Variants in FHAD1 observed in about 807,000 individuals in gnomAD.
The protein encoded by FHAD1 is forkhead associated phosphopeptide binding domain 1, also known as forkhead-associated domain-containing protein 1.
A neutral mutation model predicts 191.3 loss-of-function variants in FHAD1; 146 were observed. The ratio of observed to expected loss-of-function variants is 0.76; its 90% confidence interval spans 0.67 to 0.88. FHAD1 has a LOEUF of 0.88. Ranked by LOEUF, FHAD1 falls within the 40% of genes least tolerant of loss-of-function variation. The pLI is 0.00. For missense variants in FHAD1, 1,635 were observed against 1,785.8 expected (o/e 0.92, Z 1.52); for synonymous variants, 616 against 672.3 (o/e 0.92, Z 1.29).
In FHAD1 at chr1:15,259,088, G is replaced by A. The variant is rs543794165; in HGVS notation, c.93+7211G>A. ...TCCTCACCAGCACTTGGTATTTTCT[G>A]GGGGTGGTGGTTGTTTTTACAGTAG... On this transcript the variant is annotated intron_variant, in intron 2 of 33. Transcript: ENST00000688493. Among the ~76,000 whole-genome samples, 7 of 152,284 alleles carry A rather than the reference G, an allele frequency of 4.6e-5. No homozygotes were observed. The East Asian group carries it at 1.3e-3, about 29-fold the overall frequency.
intron 21 of FHAD1, among the ~76,000 whole-genome samples, chr1:15,359,039 G>A (rs1023879342): frequency 2.6e-5 from 4 of 152,152 alleles, no homozygotes; most frequent in Admixed American, 2.0e-4. Flanking sequence ...CCAAGGAGAG[G>A]ACAGTGCCGA....
At chr1:15,396,206 G>A (rs961549163) in intron 33 of FHAD1, among the ~76,000 whole-genome samples, 2 of 152,066 alleles carry the variant, frequency 1.3e-5, no homozygotes, top group African/African-American at 4.8e-5. Context: ...TATAGTCCCA[G>A]CTTACTCGGG....
chr1:15,370,968 G>A (rs935926266), intron 26 of FHAD1, among the ~76,000 whole-genome samples: 2 of 152,222 alleles, frequency 1.3e-5, no homozygotes, highest in Non-Finnish European at 2.9e-5. Flanking sequence ...CAGCTTGAAC[G>A]AAAGGGCTCG....
At chr1:15,275,949 G>T (rs1658210025) in intron 3 of FHAD1, among the ~76,000 whole-genome samples, 1 of 152,162 alleles carries the variant, frequency 6.6e-6, no homozygotes, top group African/African-American at 2.4e-5. Context: ...TTCAGGCTTT[G>T]TGGTGACCAT....
intron 10 of FHAD1, among the ~76,000 whole-genome samples, chr1:15,323,485 C>T (rs1677065104): frequency 6.6e-6 from 1 of 152,202 alleles, no homozygotes; most frequent in Non-Finnish European, 1.5e-5. Flanking sequence ...GGACTGGCTG[C>T]ACCCTGCCAC....
intron 2 of FHAD1, among the ~76,000 whole-genome samples, chr1:15,264,075 A>G (rs1038992303): frequency 4.6e-5 from 7 of 152,202 alleles, no homozygotes; most frequent in African/African-American, 1.2e-4. Context: ...GACACTTCCA[A>G]CTGTTCTTCT....
At chr1:15,374,330 C>T (rs908613460) in intron 26 of FHAD1, among the ~76,000 whole-genome samples, 172 bp from the exon 27 acceptor site, 3 of 152,110 alleles carry the variant, frequency 2.0e-5, no homozygotes, top group Admixed American at 6.6e-5. Context: ...ACATGTGACC[C>T]GATATTTGAG....
At chr1:15,241,142 G>A (rs1315391821) in intron 1 of FHAD1, among the ~76,000 whole-genome samples, 1 of 152,098 alleles carries the variant, frequency 6.6e-6, no homozygotes, top group Non-Finnish European at 1.5e-5. Flanking sequence ...ATAAATGTGG[G>A]TTGTTTTGAG....
chr1:15,367,643 G>A (rs1462010042), intron 25 of FHAD1, 21 bp downstream of exon 25: 3 of 662,462 alleles, frequency 4.5e-6, no homozygotes, highest in African/African-American at 2.1e-5. Context: ...CGGGGGCCGG[G>A]TTGGGGGGAT....
At chr1:15,390,280 G>A (rs868271114) in intron 32 of FHAD1, among the ~76,000 whole-genome samples, 5 of 146,376 alleles carry the variant, frequency 3.4e-5, no homozygotes, top group Non-Finnish European at 7.4e-5. Flanking sequence ...GGGAGGCAAA[G>A]GTTGCAGTGA....
At chr1:15,388,173 A>C (rs1478318909) in intron 32 of FHAD1, 42 bp downstream of exon 32, 1 of 1,188,466 alleles carries the variant, frequency 8.4e-7, no homozygotes, top group Non-Finnish European at 1.1e-6. Context: ...GAGTAGAGAC[A>C]GTCTCAACTG....
rs58159755 is a variant in FHAD1, at chr1:15,389,669, G to T, written c.4269+1538G>T. On this transcript the variant is annotated intron_variant, in intron 32 of 33. Coordinates refer to ENST00000688493, the MANE Select transcript of FHAD1 (RefSeq NM_001391957.1). The stretch of plus-strand genomic sequence containing the variant: ...CGCAGACTGTTGCTTTGGGAGAACA[G>T]TGGAGACTTACGAGCACCTATGCCC... Among the ~76,000 whole-genome samples, 591 of 152,254 alleles carry T rather than the reference G, an allele frequency of 3.9e-3. 5 individuals carry two copies. The highest frequency in any genetic ancestry group is 0.013 in the African/African-American group (526 of 41,524).
chr1:15,360,084 A>G (rs1225840430), intron 21 of FHAD1, among the ~76,000 whole-genome samples: 1 of 152,140 alleles, frequency 6.6e-6, no homozygotes, highest in South Asian at 2.1e-4. Context: ...CTGCACTCTA[A>G]TGTGGGTGAC....
chr1:15,312,517 C>A lies in FHAD1; in HGVS notation c.1040-540C>A, dbSNP rs1256022455. On this transcript the variant is annotated intron_variant, in intron 7 of 33. Coordinates refer to ENST00000688493, the MANE Select transcript of FHAD1 (RefSeq NM_001391957.1). This position sits in a 1 kb window ranked among gnomAD's most constrained non-coding sequence, Gnocchi z 4.7. Reference sequence around the variant, plus strand: ...TGTCTACAAAAAATACAAAAATTAGCCAGGCATAGTGGCACGTACCTGTAG... The same window carrying A: ...TGTCTACAAAAAATACAAAAATTAGACAGGCATAGTGGCACGTACCTGTAG... Among the ~76,000 whole-genome samples the A allele has an allele frequency of 6.6e-6, 1 of 152,100 alleles. No individual in the cohort carries two copies. Among genetic ancestry groups the A allele is most frequent in the Non-Finnish European group, 1.5e-5 (1 of 68,016 alleles).
chr1:15,370,591 C>G (rs1697776583), intron 26 of FHAD1, among the ~76,000 whole-genome samples: 1 of 152,206 alleles, frequency 6.6e-6, no homozygotes, highest in South Asian at 2.1e-4. Flanking sequence ...TGCCCCATGG[C>G]TGTGTCTTGG....
chr1:15,301,767 C>T (rs1668868958), intron 6 of FHAD1, among the ~76,000 whole-genome samples: 1 of 152,248 alleles, frequency 6.6e-6, no homozygotes, highest in Non-Finnish European at 1.5e-5. Context: ...GTGGCTCACA[C>T]CTGTAATCTG....
chr1:15,378,492 C>G (rs1570460635), intron 28 of FHAD1, among the ~76,000 whole-genome samples: 3 of 152,166 alleles, frequency 2.0e-5, no homozygotes, highest in Non-Finnish European at 4.4e-5. Context: ...CACCCTCCCT[C>G]CGGACTCCTG....
At chr1:15,374,677 G>A (rs1558265786) in intron 27 of FHAD1, 46 bp downstream of exon 27, 1 of 1,546,932 alleles carries the variant, frequency 6.5e-7, no homozygotes, top group East Asian at 2.4e-5. Context: ...CCAGACTCCG[G>A]CTCACTTTGG....
chr1:15,364,725 C>G (rs1239130614), intron 23 of FHAD1, among the ~76,000 whole-genome samples: 4 of 152,210 alleles, frequency 2.6e-5, no homozygotes, highest in Non-Finnish European at 4.4e-5. Flanking sequence ...CTCCTAACCC[C>G]CTTCCAAAAG....
Sources: allele counts gnomAD v4.1 joint callset (sites outside exome capture counted in the v4.1 genomes callset), GRCh38; gene constraint gnomAD v4.1.1; non-coding constraint Gnocchi (gnomAD v3.1); transcripts MANE v1.5; gene names NCBI Gene and HGNC (gene_info 2026-07-23, HGNC 2026-07-21).